The following REEP1 variants were observed in gnomAD, a reference collection of about 807,000 sequenced individuals.
REEP1 encodes the protein receptor accessory protein 1.
A neutral mutation model predicts 40.3 loss-of-function variants in REEP1; 22 were observed. The observed-to-expected ratio is 0.55, with a 90% CI of 0.39 to 0.78. The LOEUF (loss-of-function observed/expected upper bound fraction) is 0.78. Ranked by LOEUF, REEP1 falls within the 30% of genes least tolerant of loss-of-function variation. The pLI, the probability that REEP1 is intolerant of heterozygous loss-of-function variation, is 0.00. For missense variants in REEP1, 280 were observed against 361.1 expected, an observed-to-expected ratio of 0.78 and a Z score of 1.82; for synonymous variants, 116 against 139.2, an observed-to-expected ratio of 0.83 and a Z score of 1.17.
intron 1 of REEP1, among the ~76,000 whole-genome samples, chr2:86,298,482 G>T (rs1679097867): frequency 6.6e-6 from 1 of 152,222 alleles, no homozygotes; most frequent in Non-Finnish European, 1.5e-5. Context: ...TGCTGGTGAG[G>T]CAGGAGTGAA....
intron 7 of REEP1, among the ~76,000 whole-genome samples, chr2:86,226,640 T>TC (rs1674724110): frequency 6.6e-6 from 1 of 151,100 alleles, no homozygotes; most frequent in Non-Finnish European, 1.5e-5. Context: ...GGCTTTTTTT[T>TC]TTTTTTAATT....
At chr2:86,302,666 T>C (rs1679303251) in intron 1 of REEP1, among the ~76,000 whole-genome samples, 1 of 152,130 alleles carries the variant, frequency 6.6e-6, no homozygotes, top group South Asian at 2.1e-4. Flanking sequence ...GTCACTAAAA[T>C]CTTATCTTAG....
Position 86,335,560 on chromosome 2 carries a change from A to AG in REEP1, c.32+1918dup, listed in dbSNP as rs551372583. On this transcript the variant is annotated intron_variant, in intron 1 of 8. Coordinates refer to ENST00000538924, the MANE Select transcript of REEP1 (RefSeq NM_001371279.1). ...CCCCATCAGTTGCTCATTGTAAAAA[A>AG]GGGGGAGGAGCCGGGCGTGGTAGCT... Among the ~76,000 whole-genome samples the AG allele has an allele frequency of 4.6e-3, 699 of 152,292 alleles. 5 individuals are homozygous for AG. The highest frequency in any genetic ancestry group is 0.015 in the African/African-American group (619 of 41,548).
Position 86,231,711 on chromosome 2 carries a change from C to G in REEP1, c.595+914G>C, listed in dbSNP as rs372778705. The stretch of plus-strand genomic sequence containing the variant: ...GATCCAGAACCGTCCCCCACCCCCC[C>G]ACCATCAGTCCTGGGCAGCTGCTGT... On this transcript the variant is annotated intron_variant, in intron 6 of 8. Coordinates refer to ENST00000538924, the MANE Select transcript of REEP1 (RefSeq NM_001371279.1). 9.5e-4 allele frequency among the ~76,000 whole-genome samples: 145 copies of G among 152,272 alleles called. 2 individuals are homozygous for G. In the South Asian group the frequency reaches 0.029, roughly 31 times the overall value.
At chr2:86,296,682 C>T (rs1678999342) in intron 1 of REEP1, among the ~76,000 whole-genome samples, 1 of 152,084 alleles carries the variant, frequency 6.6e-6, no homozygotes, top group African/African-American at 2.4e-5. Context: ...TGTGGCAAAA[C>T]CCTGTCTTTA....
chr2:86,246,568 G>C (rs1343264748), intron 5 of REEP1, among the ~76,000 whole-genome samples: 1 of 152,198 alleles, frequency 6.6e-6, no homozygotes. Context: ...GAATTCAGCA[G>C]GCAGAAGAAA....
upstream of REEP1, chr2:86,337,708 C>A: frequency 1.0e-6 from 1 of 967,876 alleles, no homozygotes; most frequent in Non-Finnish European, 1.2e-6. This position sits in a 1 kb window ranked among gnomAD's most constrained non-coding sequence, Gnocchi z 5.8. Context: ...CGGCCCCAGC[C>A]CCCCGGGGCT....
chr2:86,264,730 ACTAAGG>A (rs1677051308), intron 2 of REEP1, among the ~76,000 whole-genome samples: 1 of 152,218 alleles, frequency 6.6e-6, no homozygotes, highest in Admixed American at 6.5e-5. Flanking sequence ...CTTATATTGA[ACTAAGG>A]CTCCTACTAA....
At chr2:86,237,680 G>T (rs535554359) in intron 5 of REEP1, among the ~76,000 whole-genome samples, 1 of 151,984 alleles carries the variant, frequency 6.6e-6, no homozygotes, top group East Asian at 2.0e-4. Flanking sequence ...CCACCACCAC[G>T]CCCGGCTAAT....
chr2:86,301,126 G>A (rs1026969132), intron 1 of REEP1, among the ~76,000 whole-genome samples: 3 of 152,252 alleles, frequency 2.0e-5, no homozygotes, highest in African/African-American at 7.2e-5. Flanking sequence ...CAGTGAAGAT[G>A]TGAGACCAGA....
intron 2 of REEP1, among the ~76,000 whole-genome samples, chr2:86,278,797 C>T (rs1394008529): frequency 6.6e-6 from 1 of 152,130 alleles, no homozygotes; most frequent in African/African-American, 2.4e-5. Flanking sequence ...TGAGCTGGGC[C>T]GTCAGCACCA....
intron 1 of REEP1, among the ~76,000 whole-genome samples, chr2:86,317,429 T>C (rs1680069891): frequency 6.6e-6 from 1 of 152,176 alleles, no homozygotes; most frequent in Non-Finnish European, 1.5e-5. Context: ...TACAGACTCC[T>C]AGGGGATCTC....
chr2:86,297,928 T>G (rs758400408), intron 1 of REEP1, among the ~76,000 whole-genome samples: 6 of 152,142 alleles, frequency 3.9e-5, no homozygotes, highest in Non-Finnish European at 7.3e-5. Context: ...CTATAAATAG[T>G]ATAATTTGGC....
intron 1 of REEP1, among the ~76,000 whole-genome samples, chr2:86,305,236 A>G (rs2104467775): frequency 6.6e-6 from 1 of 152,276 alleles, no homozygotes. Context: ...TATCCTTCCC[A>G]TAAATGTCCT....
At chr2:86,259,649 A>T (rs1261918922) in intron 3 of REEP1, among the ~76,000 whole-genome samples, 1 of 152,080 alleles carries the variant, frequency 6.6e-6, no homozygotes, top group Admixed American at 6.5e-5. Flanking sequence ...CGGCCTCCCA[A>T]AGTGCTGGGA....
At chr2:86,225,982 A>G (rs1037059925) in intron 7 of REEP1, among the ~76,000 whole-genome samples, 21 of 152,156 alleles carry the variant, frequency 1.4e-4, no homozygotes, top group African/African-American at 5.1e-4. Flanking sequence ...CCAACAAGCC[A>G]TCACTCACAC....
chr2:86,252,279 C>A (rs1676328216), intron 4 of REEP1, among the ~76,000 whole-genome samples: 1 of 152,132 alleles, frequency 6.6e-6, no homozygotes, highest in Admixed American at 6.5e-5. Flanking sequence ...AACACTGCAA[C>A]TTACGGATCC....
Position 86,217,000 on chromosome 2 carries a change from GAA to G in REEP1, c.*37_*38del, listed in dbSNP as rs1462888859. On this transcript the variant is annotated 3_prime_UTR_variant, in exon 9 of 9. Coordinates refer to ENST00000538924, the MANE Select transcript of REEP1 (RefSeq NM_001371279.1). ...GTGAATAGCTCTTTAAGGCAGAGAA[GAA>G]ACATTCTGTGGATCCGGTGCTGTTG... 8.3e-6 allele frequency: 13 copies of G among 1,574,664 alleles called. No individual in the cohort carries two copies. Among genetic ancestry groups the G allele is most frequent in the Non-Finnish European group, 1.1e-5 (13 of 1,144,454 alleles).
At chr2:86,257,909 ACCGCGCC>A (rs1313333918) in intron 3 of REEP1, among the ~76,000 whole-genome samples, 2 of 152,128 alleles carry the variant, frequency 1.3e-5, no homozygotes, top group Non-Finnish European at 2.9e-5. Context: ...AGCATGAGCC[ACCGCGCC>A]CGGCCTATCT....
Sources: allele counts gnomAD v4.1 joint callset (sites outside exome capture counted in the v4.1 genomes callset), GRCh38; gene constraint gnomAD v4.1.1; non-coding constraint Gnocchi (gnomAD v3.1); transcripts MANE v1.5; gene names NCBI Gene and HGNC (gene_info 2026-07-23, HGNC 2026-07-21).